TNFRSF9: variants seen among roughly 807,000 people sequenced by gnomAD.
TNFRSF9 encodes the protein TNF receptor superfamily member 9.
In TNFRSF9, 16 loss-of-function variants were observed where a neutral mutation model predicts 28.8. That is an observed-to-expected ratio of 0.55 (90% CI 0.38 to 0.84). The LOEUF (loss-of-function observed/expected upper bound fraction) is 0.84. Ranked by LOEUF, TNFRSF9 falls within the 40% of genes least tolerant of loss-of-function variation. The pLI is 0.00. For missense variants in TNFRSF9, 303 were observed against 315.0 expected, an observed-to-expected ratio of 0.96 and a Z score of 0.29; for synonymous variants, 131 against 117.0, an observed-to-expected ratio of 1.12 and a Z score of -0.77.
Position 7,920,686 on chromosome 1 carries a change from C to T in TNFRSF9, c.*149G>A, listed in dbSNP as rs140897897. 4.1e-4 allele frequency: 255 copies of T among 626,632 alleles called. 2 individuals carry two copies. In the East Asian group the frequency reaches 7.2e-3, roughly 18 times the overall value. The allele number at this position is 626,632 out of a possible 1,614,324, so 38.8% of individuals were successfully genotyped here. ...AAAGTGGTGCATTTTTAAAGGCCAA[C>T]TCATTGGCATTTAGAAAAGAACGTG... On this transcript the variant is annotated 3_prime_UTR_variant, in exon 8 of 8. Transcript: ENST00000377507.
chr1:7,932,672 TACAC>T (rs886888339), intron 7 of TNFRSF9, among the ~76,000 whole-genome samples: 13 of 148,504 alleles, frequency 8.8e-5, no homozygotes, highest in African/African-American at 1.2e-4. Context: ...CACACACACA[TACAC>T]ACACGCACGC....
At chr1:7,924,349 G>A (rs1200370999) in intron 7 of TNFRSF9, among the ~76,000 whole-genome samples, 2 of 143,106 alleles carry the variant, frequency 1.4e-5, no homozygotes, top group South Asian at 2.2e-4. Context: ...AGTTAAGGCC[G>A]GGTGTTGTGG....
chr1:7,928,752 G>T (rs1011397975), intron 7 of TNFRSF9, among the ~76,000 whole-genome samples: 1 of 152,150 alleles, frequency 6.6e-6, no homozygotes, highest in Non-Finnish European at 1.5e-5. Context: ...GGTGGCAGCT[G>T]CCTGTAATCC....
rs773564854 is a variant in TNFRSF9, at chr1:7,938,345, C to G, written c.209-15G>C. The G allele has an allele frequency of 2.5e-5, 40 of 1,579,896 alleles. No individual in the cohort carries two copies. The highest frequency in any genetic ancestry group is 3.3e-5 in the Non-Finnish European group (38 of 1,164,082). ...CCTGAAAACACCTACAAAGTCCCCC[C>G]AGCCCCCAACATTTTATTACACTTG... On this transcript the variant is annotated splice_polypyrimidine_tract_variant and intron_variant, in intron 3 of 7. Transcript: ENST00000377507.
Position 7,927,459 on chromosome 1 carries a change from A to G in TNFRSF9, c.679+5703T>C, listed in dbSNP as rs547759399. On this transcript the variant is annotated intron_variant, in intron 7 of 7. Coordinates refer to ENST00000377507, the MANE Select transcript of TNFRSF9 (RefSeq NM_001561.6). The stretch of plus-strand genomic sequence containing the variant: ...TGCCCCCTGACCCCTTCTTCCAAAT[A>G]TACTCTTTTGTCTCGTCTTTTATTC... Among the ~76,000 whole-genome samples the G allele has an allele frequency of 2.8e-4, 42 of 152,058 alleles. 1 individual carries two copies. Among genetic ancestry groups the G allele is most frequent in the Non-Finnish European group, 5.7e-4 (39 of 68,024 alleles).
chr1:7,924,871 A>C (rs541027119), intron 7 of TNFRSF9, among the ~76,000 whole-genome samples: 3 of 152,210 alleles, frequency 2.0e-5, no homozygotes, highest in Non-Finnish European at 4.4e-5. Context: ...AAAGTTTAAA[A>C]AGTAAAAAGC....
chr1:7,921,530 G>C (rs1008476604), intron 7 of TNFRSF9, among the ~76,000 whole-genome samples: 46 of 151,944 alleles, frequency 3.0e-4, no homozygotes, highest in Admixed American at 2.7e-3. Flanking sequence ...TTAGCTGGGC[G>C]TGGTGGTGGG....
chr1:7,938,349 C>A lies in TNFRSF9; in HGVS notation c.209-19G>T. On this transcript the variant is annotated intron_variant, in intron 3 of 7. Transcript: ENST00000377507. ...AAAACACCTACAAAGTCCCCCCAGC[C>A]CCCAACATTTTATTACACTTGACCT... 6.3e-7 allele frequency: 1 copy of A among 1,576,182 alleles called. No homozygotes were observed. Among genetic ancestry groups the A allele is most frequent in the Non-Finnish European group, 8.6e-7 (1 of 1,162,102 alleles).
chr1:7,937,852 G>T, intron 4 of TNFRSF9, 96 bp from the exon 5 acceptor site: 2 of 1,051,202 alleles, frequency 1.9e-6, no homozygotes, highest in Non-Finnish European at 2.9e-6. Flanking sequence ...TTACCATAAT[G>T]CAATCTGCAC....
chr1:7,934,307 G>A (rs976513903), intron 6 of TNFRSF9, among the ~76,000 whole-genome samples: 2 of 151,748 alleles, frequency 1.3e-5, no homozygotes, highest in Non-Finnish European at 2.9e-5. Flanking sequence ...AGCACAGGAG[G>A]TGGAGGTTGC....
In TNFRSF9 at chr1:7,939,335, AAC is replaced by A. The variant is rs1455862905; in HGVS notation, c.101-509_101-508del. 4.4e-3 allele frequency among the ~76,000 whole-genome samples: 663 copies of A among 151,306 alleles called. 2 individuals are homozygous for A. The highest frequency in any genetic ancestry group is 0.015 in the African/African-American group (626 of 40,998). On this transcript the variant is annotated intron_variant, in intron 2 of 7. Transcript: ENST00000377507. Reference sequence around the variant, plus strand: ...ACTGTGTCTCAAAAAAAAAAAAAAAAACATACACACACAAAAAAAACAAAAAA... The same window carrying A: ...ACTGTGTCTCAAAAAAAAAAAAAAAAATACACACACAAAAAAAACAAAAAA...
At position 7,935,064 on chromosome 1, in the gene TNFRSF9, G is replaced by A. The variant is rs754390114; in HGVS notation, c.493C>T (p.Leu165Phe). ...GTCACAGAGGATGCTCCCGGAGAGA[G>A]GTCGGCTGGAGATGGTCCACAGACC... is the stretch of plus-strand genomic sequence containing the variant. ...DVVCGPSPAD[L>F]SPGASSVTPP... The change falls in exon 6 of 8, where the codon CTC becomes TTC. Residue 165 changes from leucine to phenylalanine, a missense_variant. Coordinates refer to ENST00000377507, the MANE Select transcript of TNFRSF9 (RefSeq NM_001561.6). The A allele has an allele frequency of 6.2e-7, 1 of 1,614,256 alleles. No individual in the cohort carries two copies. The highest frequency in any genetic ancestry group is 1.3e-5 in the African/African-American group (1 of 75,076).
At chr1:7,929,732 A>T (rs1380286041) in intron 7 of TNFRSF9, among the ~76,000 whole-genome samples, 1 of 152,112 alleles carries the variant, frequency 6.6e-6, no homozygotes, top group African/African-American at 2.4e-5. Context: ...GTGGAAGGAG[A>T]TCTCTGTGGT....
rs1044806268 is a variant in TNFRSF9 at position 7,919,865 on chromosome 1, T to C, written c.*970A>G. 4.6e-5 allele frequency: 7 copies of C among 152,370 alleles called. No individual in the cohort carries two copies. Among genetic ancestry groups the C allele is most frequent in the Admixed American group, 2.6e-4 (4 of 15,292 alleles). 9.4% of individuals were successfully genotyped at this position (152,370 alleles called of 1,614,324 possible). A position where few individuals can be genotyped will look rare whatever the true frequency, so the allele number is the denominator to read the frequency against. ...ATACCTATCATATGCAGTTCATTTATTGGCTTTGGTATAAAATATTATGTT... is the reference window on the plus strand; with the variant it reads ...ATACCTATCATATGCAGTTCATTTACTGGCTTTGGTATAAAATATTATGTT... On this transcript the variant is annotated 3_prime_UTR_variant, in exon 8 of 8. Coordinates refer to ENST00000377507, the MANE Select transcript of TNFRSF9 (RefSeq NM_001561.6).
chr1:7,931,421 A>G (rs1639729426), intron 7 of TNFRSF9, among the ~76,000 whole-genome samples: 1 of 152,240 alleles, frequency 6.6e-6, no homozygotes. Flanking sequence ...GTCATCATTC[A>G]ACAAGAGTGT....
At chr1:7,938,660 G>A (rs971357428) in intron 3 of TNFRSF9, 61 bp downstream of exon 3, 1 of 1,382,286 alleles carries the variant, frequency 7.2e-7, no homozygotes, top group Non-Finnish European at 1.0e-6. Flanking sequence ...TAGTAAATGG[G>A]AAAGAAAAGC....
At position 7,917,247 on chromosome 1, in the gene TNFRSF9, G is replaced by A. The variant is rs1340831182; in HGVS notation, c.*3588C>T. 6 of 152,270 alleles carry A rather than the reference G, an allele frequency of 3.9e-5. No homozygotes were observed. Among genetic ancestry groups the A allele is most frequent in the African/African-American group, 1.4e-4 (6 of 41,554 alleles). 9.4% of individuals were successfully genotyped at this position (152,270 alleles called of 1,614,324 possible). On this transcript the variant is annotated 3_prime_UTR_variant, in exon 8 of 8. Coordinates refer to ENST00000377507, the MANE Select transcript of TNFRSF9 (RefSeq NM_001561.6). ...TGCCTGACCTAGCTAAGACACTTCT[G>A]AAGTAGAAAAAGAAGGTGGAGGGAG...
intron 7 of TNFRSF9, among the ~76,000 whole-genome samples, chr1:7,930,020 A>G (rs1639710475): frequency 8.0e-6 from 1 of 125,158 alleles, no homozygotes; most frequent in African/African-American, 3.1e-5. Flanking sequence ...CCCAGGCTGG[A>G]GTGCAATGGC....
chr1:7,925,756 C>T (rs950311264), intron 7 of TNFRSF9, among the ~76,000 whole-genome samples: 9 of 152,060 alleles, frequency 5.9e-5, no homozygotes, highest in African/African-American at 1.2e-4. Context: ...CTCGTATGCG[C>T]AGTTCACAAT....
Sources: allele counts gnomAD v4.1 joint callset (sites outside exome capture counted in the v4.1 genomes callset), GRCh38; gene constraint gnomAD v4.1.1; transcripts MANE v1.5; gene names NCBI Gene and HGNC (gene_info 2026-07-23, HGNC 2026-07-21).